NPAS2: variants seen among roughly 807,000 people sequenced by gnomAD.
NPAS2 encodes neuronal PAS domain-containing protein 2.
NPAS2 carries 23 observed loss-of-function variants against 107.5 expected under a neutral mutation model. The ratio of observed to expected loss-of-function variants is 0.21; its 90% CI spans 0.15 to 0.30. NPAS2 has a LOEUF of 0.30. Ranked by LOEUF, NPAS2 falls within the 10% of genes least tolerant of loss-of-function variation. The pLI, the probability that NPAS2 is intolerant of heterozygous loss-of-function variation, is 1.00. For synonymous variants in NPAS2, 403 were observed against 417.5 expected (o/e 0.97, Z 0.42); for missense variants, 756 against 1,043.3 (o/e 0.72, Z 3.79).
At chr2:100,867,922 A>G (rs77807895) in intron 1 of NPAS2, among the ~76,000 whole-genome samples, 7,813 of 152,012 alleles carry the variant, frequency 0.051, 661 homozygotes, top group African/African-American at 0.18. Context: ...CCCCTTTATT[A>G]CATTTTTCCT....
intron 1 of NPAS2, among the ~76,000 whole-genome samples, chr2:100,821,516 TA>T: frequency 6.6e-6 from 1 of 152,344 alleles, no homozygotes; most frequent in East Asian, 1.9e-4. Flanking sequence ...AGAGACGAGC[TA>T]AACCGTCTTG....
Position 100,870,089 on chromosome 2 carries a change from T to G in NPAS2, c.-22-34644T>G, listed in dbSNP as rs756733997. Among the ~76,000 whole-genome samples, 21 of 152,000 alleles carry G rather than the reference T, an allele frequency of 1.4e-4. No homozygotes were observed. In the South Asian group the frequency reaches 2.3e-3, roughly 17 times the overall value. ...CAGGCTAATTTTTTGTTTTCAGAGA[T>G]GGGGTTTCACCGTGTTAGCCAGGAT... is the stretch of plus-strand genomic sequence containing the variant. On this transcript the variant is annotated intron_variant, in intron 1 of 20. Transcript: ENST00000335681.
chr2:100,943,397 C>G (rs1674697473), intron 5 of NPAS2, among the ~76,000 whole-genome samples: 1 of 152,188 alleles, frequency 6.6e-6, no homozygotes, highest in East Asian at 1.9e-4. Flanking sequence ...TTTTTTCTTG[C>G]AATTATGAGT....
intron 1 of NPAS2, chr2:100,821,161 A>G (rs1179522370): frequency 3.8e-6 from 5 of 1,304,762 alleles, no homozygotes; most frequent in Non-Finnish European, 5.1e-6. Flanking sequence ...ATTCAGAACC[A>G]GTCCCGCTCC....
chr2:100,984,312 TTAAAC>T (rs1302785083), intron 16 of NPAS2: 2 of 152,244 alleles, frequency 1.3e-5, no homozygotes, highest in Admixed American at 6.5e-5. Flanking sequence ...TTTGTTTTTT[TTAAAC>T]TAAACTGTGT....
chr2:100,863,903 T>C (rs781673254), intron 1 of NPAS2, among the ~76,000 whole-genome samples: 15 of 152,218 alleles, frequency 9.9e-5, no homozygotes, highest in Non-Finnish European at 1.8e-4. Context: ...TCCATCAGTA[T>C]AAGCTTTTGA....
intron 1 of NPAS2, among the ~76,000 whole-genome samples, chr2:100,842,099 A>G (rs1196969574): frequency 1.3e-5 from 2 of 151,818 alleles, no homozygotes; most frequent in African/African-American, 2.4e-5. Context: ...ACACACACAC[A>G]CACACACACA....
chr2:100,868,226 T>A (rs1679368222), intron 1 of NPAS2, among the ~76,000 whole-genome samples: 2 of 152,272 alleles, frequency 1.3e-5, no homozygotes, highest in Admixed American at 1.3e-4. Context: ...AAAATATCTC[T>A]ATTTTATCAA....
chr2:100,941,984 C>T (rs1362685165), intron 5 of NPAS2, among the ~76,000 whole-genome samples: 1 of 152,088 alleles, frequency 6.6e-6, no homozygotes, highest in Non-Finnish European at 1.5e-5. Context: ...CCTAAGTGTT[C>T]ATTGAACGAG....
At chr2:100,876,716 G>C (rs1416606031) in intron 1 of NPAS2, among the ~76,000 whole-genome samples, 2 of 152,056 alleles carry the variant, frequency 1.3e-5, no homozygotes, top group African/African-American at 4.8e-5. Context: ...TGTTATGGTG[G>C]CTCAGGCCTA....
intron 1 of NPAS2, among the ~76,000 whole-genome samples, chr2:100,828,771 C>T (rs1179172042): frequency 1.3e-5 from 2 of 152,100 alleles, no homozygotes; most frequent in African/African-American, 4.8e-5. Context: ...GTTTTTGTAC[C>T]AGTACCATGC....
chr2:100,865,672 A>G (rs1353004585), intron 1 of NPAS2, among the ~76,000 whole-genome samples: 1 of 152,180 alleles, frequency 6.6e-6, no homozygotes, highest in Non-Finnish European at 1.5e-5. Context: ...GAAAGGGGGC[A>G]ATTCCAAGTG....
chr2:100,949,804 A>C lies in NPAS2; in HGVS notation c.598+324A>C, dbSNP rs117807461. Among the ~76,000 whole-genome samples, 105 of 152,314 alleles carry C rather than the reference A, an allele frequency of 6.9e-4. 3 individuals carry two copies. The East Asian group carries it at 0.02, about 29-fold the overall frequency. The stretch of plus-strand genomic sequence containing the variant: ...GAATAAAGAACAGGCTCTGCCAAAC[A>C]GGCCTTCGTGGTGACTTGATGATCC... On this transcript the variant is annotated intron_variant, in intron 7 of 20. Coordinates refer to ENST00000335681, the MANE Select transcript of NPAS2 (RefSeq NM_002518.4).
chr2:100,971,898 T>A (rs1278214545), intron 12 of NPAS2, among the ~76,000 whole-genome samples: 17 of 150,166 alleles, frequency 1.1e-4, no homozygotes, highest in Non-Finnish European at 2.2e-4. Flanking sequence ...TTGTATTTCA[T>A]CAAAGTTAAG....
rs1677941403 is a variant in NPAS2 at position 100,988,912 on chromosome 2, C to T, written c.1827+636C>T. 2.8e-5 allele frequency: 7 copies of T among 247,746 alleles called. No homozygotes were observed. In the Admixed American group the frequency reaches 3.6e-4, roughly 13 times the overall value. 15.3% of individuals were successfully genotyped at this position (247,746 alleles called of 1,614,324 possible). Reference sequence around the variant, plus strand: ...CCTGCCCCTCCAGGCCCCCACTGTTCCTCCAGGTCCCCCTGCTCCTCCAGG... The same window carrying T: ...CCTGCCCCTCCAGGCCCCCACTGTTTCTCCAGGTCCCCCTGCTCCTCCAGG... On this transcript the variant is annotated intron_variant, in intron 17 of 20. Transcript: ENST00000335681.
At chr2:100,888,203 C>G (rs1680834511) in intron 1 of NPAS2, among the ~76,000 whole-genome samples, 1 of 152,138 alleles carries the variant, frequency 6.6e-6, no homozygotes, top group Non-Finnish European at 1.5e-5. Flanking sequence ...AACACAGATT[C>G]CTAAATGGAA....
intron 2 of NPAS2, among the ~76,000 whole-genome samples, chr2:100,920,190 G>C (rs1036588717): frequency 2.0e-5 from 3 of 152,146 alleles, no homozygotes; most frequent in Non-Finnish European, 2.9e-5. Context: ...AGGGTAGAAA[G>C]CTTCAGTTAG....
At chr2:100,883,760 A>G (rs1033148095) in intron 1 of NPAS2, among the ~76,000 whole-genome samples, 3 of 152,152 alleles carry the variant, frequency 2.0e-5, no homozygotes, top group African/African-American at 7.2e-5. Context: ...ATGAGGTTTC[A>G]TAGTTTACAA....
At chr2:100,858,514 CTG>C (rs1678725256) in intron 1 of NPAS2, among the ~76,000 whole-genome samples, 1 of 152,132 alleles carries the variant, frequency 6.6e-6, no homozygotes, top group African/African-American at 2.4e-5. Flanking sequence ...CCAGTGGTCT[CTG>C]TGTTCCCTTT....
Sources: allele counts gnomAD v4.1 joint callset (sites outside exome capture counted in the v4.1 genomes callset), GRCh38; gene constraint gnomAD v4.1.1; transcripts MANE v1.5; gene names NCBI Gene and HGNC (gene_info 2026-07-23, HGNC 2026-07-21).